The following GABRG3 variants were observed in gnomAD, a reference collection of about 807,000 sequenced individuals.
GABRG3 encodes gamma-aminobutyric acid receptor subunit gamma-3.
A neutral mutation model predicts 48.8 loss-of-function variants in GABRG3; 25 were observed. The ratio of observed to expected loss-of-function variants is 0.51; its 90% CI spans 0.37 to 0.72. The LOEUF is 0.72. Ranked by LOEUF, GABRG3 falls within the 30% of genes least tolerant of loss-of-function variation. The pLI, the probability that GABRG3 is intolerant of heterozygous loss-of-function variation, is 0.00. For synonymous variants in GABRG3, 227 were observed against 217.6 expected (o/e 1.04, Z -0.38); for missense variants, 394 against 577.9 (o/e 0.68, Z 3.26).
chr15:27,127,733 A>G (rs1361587700), intron 3 of GABRG3, among the ~76,000 whole-genome samples: 1 of 152,252 alleles, frequency 6.6e-6, no homozygotes, highest in East Asian at 1.9e-4. Context: ...CATTCAAAGC[A>G]ATAATCATTC....
Position 27,227,180 on chromosome 15 carries a change from A to G in GABRG3, c.271-99629A>G, listed in dbSNP as rs745989601. 7.4e-4 allele frequency among the ~76,000 whole-genome samples: 113 copies of G among 152,346 alleles called. 1 individual carries two copies. The highest frequency in any genetic ancestry group is 9.6e-4 in the Non-Finnish European group (65 of 68,044). On this transcript the variant is annotated intron_variant, in intron 3 of 9. Transcript: ENST00000615808. Reference sequence around the variant, plus strand: ...AGAAATTAGAACATGTAGTAATTACACAATTAATTAAGAAATAAAAACAGG... The same window carrying G: ...AGAAATTAGAACATGTAGTAATTACGCAATTAATTAAGAAATAAAAACAGG...
Position 27,032,529 on chromosome 15 carries a change from G to C in GABRG3, c.270+5708G>C, listed in dbSNP as rs190496191. Among the ~76,000 whole-genome samples, 172 of 152,320 alleles carry C rather than the reference G, an allele frequency of 1.1e-3. 1 individual carries two copies. The highest frequency in any genetic ancestry group is 3.4e-3 in the Middle Eastern group (1 of 294). The stretch of plus-strand genomic sequence containing the variant: ...CCTCAGGAAGCTTCCAATCATGGCA[G>C]AGGTGAAGGGGGAGCCAGCTTGTCA... On this transcript the variant is annotated intron_variant, in intron 3 of 9. Transcript: ENST00000615808.
At chr15:27,200,993 T>A (rs529901271) in intron 3 of GABRG3, among the ~76,000 whole-genome samples, 8 of 152,272 alleles carry the variant, frequency 5.3e-5, no homozygotes, top group African/African-American at 1.7e-4. Context: ...GTACAGATAC[T>A]CAGCCTTCTC....
chr15:26,972,756 C>G (rs1462410020), intron 1 of GABRG3, among the ~76,000 whole-genome samples: 2 of 152,116 alleles, frequency 1.3e-5, no homozygotes, highest in South Asian at 2.1e-4. Flanking sequence ...ATGAAGGGGG[C>G]CCCCAGTTCT....
intron 3 of GABRG3, among the ~76,000 whole-genome samples, chr15:27,074,631 C>T (rs1173224056): frequency 1.3e-5 from 2 of 150,972 alleles, no homozygotes; most frequent in African/African-American, 2.5e-5. Flanking sequence ...GAATATATTC[C>T]ATAGCATTTA....
intron 2 of GABRG3, among the ~76,000 whole-genome samples, chr15:27,018,590 T>C (rs1279111882): frequency 2.6e-5 from 4 of 152,138 alleles, no homozygotes; most frequent in Admixed American, 2.6e-4. Flanking sequence ...AGTGAGGGCT[T>C]TGGAGTTGAC....
intron 3 of GABRG3, among the ~76,000 whole-genome samples, chr15:27,142,426 G>A (rs572436871): frequency 3.9e-5 from 6 of 152,178 alleles, no homozygotes; most frequent in Admixed American, 1.3e-4. Context: ...TGATGAGGAA[G>A]ACGCAAAAGT....
At chr15:27,411,792 C>T (rs1887805881) in intron 5 of GABRG3, among the ~76,000 whole-genome samples, 1 of 152,128 alleles carries the variant, frequency 6.6e-6, no homozygotes, top group South Asian at 2.1e-4. Flanking sequence ...GGTGCCTTTT[C>T]CCGGTGTATC....
At chr15:27,047,215 C>T (rs1002370044) in intron 3 of GABRG3, among the ~76,000 whole-genome samples, 3 of 152,170 alleles carry the variant, frequency 2.0e-5, no homozygotes, top group African/African-American at 7.2e-5. Context: ...CGAGACTTCC[C>T]AGTCTTACAG....
At chr15:27,212,926 A>C (rs1889121307) in intron 3 of GABRG3, among the ~76,000 whole-genome samples, 2 of 152,204 alleles carry the variant, frequency 1.3e-5, no homozygotes, top group Admixed American at 1.3e-4. Flanking sequence ...TTCCTTTTGA[A>C]GGCTGAATAA....
At position 27,328,802 on chromosome 15, in the gene GABRG3, G is replaced by A. The variant is rs780304405; in HGVS notation, c.492-4G>A. ...AGCTAGACTGACACTTGGCTTTTTC[G>A]CAGGCTCACCATCAATGCTGAGTGC... On this transcript the variant is annotated splice_polypyrimidine_tract_variant and splice_region_variant and intron_variant, in intron 4 of 9. Coordinates refer to ENST00000615808, the MANE Select transcript of GABRG3 (RefSeq NM_033223.5). 17 of 1,613,562 alleles carry A rather than the reference G, an allele frequency of 1.1e-5. No homozygotes were observed. Among genetic ancestry groups the A allele is most frequent in the African/African-American group, 2.7e-5 (2 of 74,922 alleles).
At chr15:27,208,497 C>A in intron 3 of GABRG3, 1 of 174,838 alleles carries the variant, frequency 5.7e-6, no homozygotes, top group Non-Finnish European at 1.3e-5. Flanking sequence ...TTGGGGATAT[C>A]CTGATCCACA....
chr15:27,201,353 C>CGTGTGTGTGTGT (rs376315853), intron 3 of GABRG3, among the ~76,000 whole-genome samples: 9 of 144,254 alleles, frequency 6.2e-5, no homozygotes, highest in Middle Eastern at 3.5e-3. Context: ...GTGAGGGGTG[C>CGTGTGTGTGTGT]GTGTGTGTGT....
intron 2 of GABRG3, among the ~76,000 whole-genome samples, chr15:27,019,911 G>C (rs1895856889): frequency 6.6e-6 from 1 of 152,100 alleles, no homozygotes; most frequent in South Asian, 2.1e-4. Flanking sequence ...AGAAACTTAA[G>C]TGCCTAGGGT....
At chr15:27,307,011 A>ATATAAACATGTTTATATATAAACATATAT (rs1566769821) in intron 3 of GABRG3, among the ~76,000 whole-genome samples, 1 of 122,136 alleles carries the variant, frequency 8.2e-6, no homozygotes, top group Non-Finnish European at 1.6e-5. Flanking sequence ...AACATGTATA[A>ATATAAACATGTTTATATATAAACATATAT]ACATGTTTAT....
intron 6 of GABRG3, among the ~76,000 whole-genome samples, chr15:27,495,134 C>G (rs74529460): frequency 1.3e-5 from 2 of 152,128 alleles, no homozygotes; most frequent in Non-Finnish European, 2.9e-5. Context: ...TCCTCCTCCC[C>G]CCAACCCATG....
intron 3 of GABRG3, among the ~76,000 whole-genome samples, chr15:27,202,708 G>A (rs926319960): frequency 1.3e-5 from 2 of 151,966 alleles, no homozygotes; most frequent in East Asian, 1.9e-4. Flanking sequence ...TTCATCTTTC[G>A]TGAATTGCCT....
chr15:27,028,779 C>A (rs1180734607), intron 3 of GABRG3, among the ~76,000 whole-genome samples: 3 of 138,130 alleles, frequency 2.2e-5, no homozygotes, highest in South Asian at 2.4e-4. Context: ...GCACTCCAGC[C>A]TGGGTGACAG....
In GABRG3 at chr15:27,537,353, T is replaced by A. The variant is rs945486445; in HGVS notation, c.*4472T>A. On this transcript the variant is annotated 3_prime_UTR_variant, in exon 10 of 10. Coordinates refer to ENST00000615808, the MANE Select transcript of GABRG3 (RefSeq NM_033223.5). The stretch of plus-strand genomic sequence containing the variant: ...TATTCTCCTGAGCCCCCTTCCAATT[T>A]CCCAAAATTGAGAAAGTGTGTAATC... 6.6e-6 allele frequency: 1 copy of A among 152,180 alleles called. No homozygotes were observed. The highest frequency in any genetic ancestry group is 1.5e-5 in the Non-Finnish European group (1 of 68,050). The allele number at this position is 152,180 out of a possible 1,614,324, so 9.4% of individuals were successfully genotyped here.
Sources: allele counts gnomAD v4.1 joint callset (sites outside exome capture counted in the v4.1 genomes callset), GRCh38; gene constraint gnomAD v4.1.1; transcripts MANE v1.5; gene names NCBI Gene and HGNC (gene_info 2026-07-23, HGNC 2026-07-21).